The following TMEM108 variants were observed in gnomAD, a reference collection of about 807,000 sequenced individuals.
TMEM108 encodes the protein cancer/testis antigen 124.
A neutral mutation model predicts 35.1 loss-of-function variants in TMEM108; 12 were observed. The observed-to-expected ratio is 0.34, with a 90% confidence interval of 0.22 to 0.55. The LOEUF is 0.55. Among genes scored for constraint, TMEM108 ranks in the 20% least tolerant of loss-of-function variants. TMEM108 has a pLI of 0.89. For missense variants in TMEM108, 680 were observed against 753.3 expected, an observed-to-expected ratio of 0.90 and a Z score of 1.14; for synonymous variants, 287 against 308.6, an observed-to-expected ratio of 0.93 and a Z score of 0.73.
chr3:133,180,060 T>G (rs1037733989), intron 2 of TMEM108, among the ~76,000 whole-genome samples: 3 of 152,168 alleles, frequency 2.0e-5, no homozygotes, highest in Non-Finnish European at 4.4e-5. Flanking sequence ...TCCCTTGGAT[T>G]AAGGCTTATA....
chr3:133,377,547 CAT>C (rs2072878674), intron 3 of TMEM108, among the ~76,000 whole-genome samples: 1 of 152,244 alleles, frequency 6.6e-6, no homozygotes, highest in South Asian at 2.1e-4. Context: ...TGACTTTCCA[CAT>C]GTTGCCTAAT....
At chr3:133,343,809 G>C (rs1314393414) in intron 3 of TMEM108, among the ~76,000 whole-genome samples, 1 of 151,832 alleles carries the variant, frequency 6.6e-6, no homozygotes, top group East Asian at 1.9e-4. Context: ...ATCACAAACA[G>C]TGAGATTTAA....
intron 2 of TMEM108, among the ~76,000 whole-genome samples, chr3:133,072,392 C>T (rs1943686959): frequency 6.6e-6 from 1 of 151,830 alleles, no homozygotes; most frequent in South Asian, 2.1e-4. Context: ...CTCTGTTTAC[C>T]TCAGGATTTA....
chr3:133,084,405 C>T (rs1414022783), intron 2 of TMEM108, among the ~76,000 whole-genome samples: 1 of 152,128 alleles, frequency 6.6e-6, no homozygotes, highest in African/African-American at 2.4e-5. Context: ...AAGAAATGGC[C>T]TCAAATTTAG....
chr3:133,085,489 A>G (rs1467790486), intron 2 of TMEM108, among the ~76,000 whole-genome samples: 6 of 152,226 alleles, frequency 3.9e-5, no homozygotes, highest in African/African-American at 2.4e-5. Flanking sequence ...ATAATTGTGT[A>G]TAAGGATTTC....
chr3:133,181,953 C>G (rs1229110034), intron 2 of TMEM108, among the ~76,000 whole-genome samples: 3 of 152,150 alleles, frequency 2.0e-5, no homozygotes, highest in Non-Finnish European at 4.4e-5. Context: ...TCAGAGAGGT[C>G]TCTTTGCCCA....
chr3:133,134,197 G>A (rs74713171), intron 2 of TMEM108, among the ~76,000 whole-genome samples: 5,302 of 151,944 alleles, frequency 0.035, 309 homozygotes, highest in African/African-American at 0.12. Context: ...GCATTGTAAG[G>A]GAATGTTGGT....
rs1261166663 is a variant in TMEM108 at position 133,057,431 on chromosome 3, GTGTGTATATATATATATATATATA to G, written c.-47+11413_-47+11436del. Reference sequence around the variant, plus strand: ...AATATGGGCTATTAGTTGTGTGTGTGTGTGTATATATATATATATATATATATATATATATATATATATATATAT... The same window carrying G: ...AATATGGGCTATTAGTTGTGTGTGTGTATATATATATATATATATATATAT... On this transcript the variant is annotated intron_variant, in intron 2 of 5. Transcript: ENST00000321871. 8.1e-3 allele frequency among the ~76,000 whole-genome samples: 344 copies of G among 42,410 alleles called. 9 individuals are homozygous for G. Among genetic ancestry groups the G allele is most frequent in the South Asian group, 0.016 (22 of 1,390 alleles). The allele number at this position is 42,410 out of a possible 152,430, so 27.8% of individuals were successfully genotyped here. A position where few individuals can be genotyped will look rare whatever the true frequency, so the allele number is the denominator to read the frequency against.
chr3:133,348,723 T>C (rs1432743735), intron 3 of TMEM108, among the ~76,000 whole-genome samples: 3 of 151,984 alleles, frequency 2.0e-5, no homozygotes, highest in African/African-American at 7.3e-5. Context: ...GGGAGAGAGA[T>C]TGAACAATGA....
intron 3 of TMEM108, among the ~76,000 whole-genome samples, chr3:133,371,810 G>A (rs544971234): frequency 7.2e-5 from 11 of 152,166 alleles, no homozygotes; most frequent in Admixed American, 1.3e-4. Context: ...ATTCTTCAGC[G>A]AATATGTCTT....
intron 3 of TMEM108, among the ~76,000 whole-genome samples, chr3:133,333,421 T>C (rs1193407057): frequency 6.6e-6 from 1 of 152,042 alleles, no homozygotes. Flanking sequence ...TTAGAAAACA[T>C]TTATTTCCAT....
chr3:133,165,750 G>A (rs1295958705), intron 2 of TMEM108, among the ~76,000 whole-genome samples: 1 of 152,196 alleles, frequency 6.6e-6, no homozygotes, highest in Non-Finnish European at 1.5e-5. Context: ...TGTTAAACAG[G>A]TTGGCTAAAC....
rs79084454 is a variant in TMEM108 at position 133,100,711 on chromosome 3, A to T, written c.-47+54691A>T. Among the ~76,000 whole-genome samples the T allele has an allele frequency of 6.5e-3, 992 of 152,370 alleles. 12 individuals carry two copies. The highest frequency in any genetic ancestry group is 0.022 in the African/African-American group (914 of 41,592). The stretch of plus-strand genomic sequence containing the variant: ...AAATAAGCATGAGGACTTTGATTCC[A>T]CCATCCATCCATTCCATGAAGTCTG... On this transcript the variant is annotated intron_variant, in intron 2 of 5. Transcript: ENST00000321871.
chr3:133,069,928 T>C lies in TMEM108; in HGVS notation c.-47+23908T>C, dbSNP rs546392657. Among the ~76,000 whole-genome samples the C allele has an allele frequency of 2.0e-5, 3 of 152,308 alleles. No individual in the cohort carries two copies. The East Asian group carries it at 5.8e-4, about 29-fold the overall frequency. On this transcript the variant is annotated intron_variant, in intron 2 of 5. Coordinates refer to ENST00000321871, the MANE Select transcript of TMEM108 (RefSeq NM_023943.4). The stretch of plus-strand genomic sequence containing the variant: ...GTGTTCATTTAATATATCCTATTTT[T>C]ATTCACTATTTTTACTCACTAAATG...
At chr3:133,091,226 T>C (rs1006954007) in intron 2 of TMEM108, among the ~76,000 whole-genome samples, 6 of 152,192 alleles carry the variant, frequency 3.9e-5, no homozygotes, top group Non-Finnish European at 5.9e-5. Flanking sequence ...AATTGAACTT[T>C]TCCATATATT....
intron 3 of TMEM108, among the ~76,000 whole-genome samples, chr3:133,334,669 C>G (rs1019390081): frequency 6.6e-6 from 1 of 152,008 alleles, no homozygotes; most frequent in Non-Finnish European, 1.5e-5. Context: ...AAGTCTGTAA[C>G]AGAGAAGGAA....
At chr3:133,050,449 A>G (rs1349001552) in intron 2 of TMEM108, among the ~76,000 whole-genome samples, 13 of 152,064 alleles carry the variant, frequency 8.5e-5, no homozygotes, top group Admixed American at 7.2e-4. Context: ...GCCTCCCCCA[A>G]TGTCAGCATC....
intron 3 of TMEM108, among the ~76,000 whole-genome samples, chr3:133,351,168 G>A (rs2107769919): frequency 6.6e-6 from 1 of 152,302 alleles, no homozygotes; most frequent in East Asian, 1.9e-4. Context: ...TTTCGTTCCA[G>A]CACTGCTTTT....
chr3:133,212,887 A>G (rs1233281077), intron 2 of TMEM108, among the ~76,000 whole-genome samples: 2 of 151,166 alleles, frequency 1.3e-5, no homozygotes, highest in Non-Finnish European at 2.9e-5. Flanking sequence ...AAAAGGAAAA[A>G]AAAAAAGAAA....
Sources: gnomAD v4.1 joint callset for allele counts (sites outside exome capture counted in the v4.1 genomes callset) on GRCh38, gnomAD v4.1.1 for gene constraint, MANE v1.5 for transcripts, NCBI Gene and HGNC (gene_info 2026-07-23, HGNC 2026-07-21) for gene names.